The following PARD3 variants were observed in gnomAD, a reference collection of about 807,000 sequenced individuals.
The protein encoded by PARD3 is par-3 family cell polarity regulator.
Under a neutral mutation model 155.4 loss-of-function variants are expected in PARD3, and 75 were observed. That is an observed-to-expected ratio of 0.48 (90% CI 0.40 to 0.58). PARD3 has a LOEUF of 0.58. Ranked by LOEUF, PARD3 falls within the 20% of genes least tolerant of loss-of-function variation. The pLI, the probability that PARD3 is intolerant of heterozygous loss-of-function variation, is 0.00. For missense variants in PARD3, 1,642 were observed against 1,721.7 expected, an observed-to-expected ratio of 0.95 and a Z score of 0.82; for synonymous variants, 576 against 610.5, an observed-to-expected ratio of 0.94 and a Z score of 0.83.
chr10:34,336,384 T>C, intron 17 of PARD3, 141 bp from the exon 18 acceptor site: 1 of 597,772 alleles, frequency 1.7e-6, no homozygotes, highest in Non-Finnish European at 2.9e-6. Flanking sequence ...CAAGCAAACA[T>C]TCATAATCAA....
Position 34,579,572 on chromosome 10 carries a change from G to GTGTGTGTGTGTA in PARD3, c.223-62414_223-62413insTACACACACACA, listed in dbSNP as rs1554775628. 7.4e-3 allele frequency among the ~76,000 whole-genome samples: 1,105 copies of GTGTGTGTGTGTA among 149,556 alleles called. 10 individuals are homozygous for GTGTGTGTGTGTA. Among genetic ancestry groups the GTGTGTGTGTGTA allele is most frequent in the South Asian group, 0.019 (91 of 4,676 alleles). On this transcript the variant is annotated intron_variant, in intron 2 of 24. Transcript: ENST00000374788. ...ATTTTCTCTGTGTGTGTGTGTGTGT[G>GTGTGTGTGTGTA]TGTGTGTGTGTGTGTGTGTGTGTTT...
chr10:34,731,646 G>A (rs187525969), intron 1 of PARD3, among the ~76,000 whole-genome samples: 4 of 152,318 alleles, frequency 2.6e-5, no homozygotes, highest in African/African-American at 7.2e-5. Context: ...AAAAGTTGAA[G>A]TTCAAAAATC....
intron 7 of PARD3, among the ~76,000 whole-genome samples, chr10:34,384,744 T>A (rs1234342918): frequency 1.3e-5 from 2 of 152,166 alleles, no homozygotes. Flanking sequence ...TAGGAAAGAT[T>A]TCAGGAATAA....
At chr10:34,341,902 T>G in intron 15 of PARD3, 86 bp from the exon 16 acceptor site, 1 of 797,160 alleles carries the variant, frequency 1.3e-6, no homozygotes, top group South Asian at 1.9e-5. Context: ...GCTATATTAG[T>G]AAAAGTCTAA....
intron 21 of PARD3, among the ~76,000 whole-genome samples, chr10:34,278,792 A>T (rs1041989387): frequency 5.3e-5 from 8 of 152,210 alleles, no homozygotes; most frequent in Non-Finnish European, 1.0e-4. Flanking sequence ...GCAGCATGAG[A>T]ACAGACTAAT....
chr10:34,145,147 T>G (rs1208870296), intron 22 of PARD3, among the ~76,000 whole-genome samples: 1 of 146,654 alleles, frequency 6.8e-6, no homozygotes, highest in South Asian at 2.2e-4. Flanking sequence ...TGAAGAAATC[T>G]GATTATATTC....
At chr10:34,250,206 TA>T (rs1954221710) in intron 22 of PARD3, among the ~76,000 whole-genome samples, 1 of 150,378 alleles carries the variant, frequency 6.6e-6, no homozygotes, top group Non-Finnish European at 1.5e-5. Flanking sequence ...TAAGTACAGT[TA>T]AAAAAAGAAA....
In PARD3 at chr10:34,353,427, T is replaced by G. The variant is rs567232527; in HGVS notation, c.2068-5312A>C. On this transcript the variant is annotated intron_variant, in intron 14 of 24. Transcript: ENST00000374788. ...ATCTATAACCTTACCCCCAACCCCG[T>G]GCTCTCTGAAACATGTGCTGTGTCC... 5.3e-5 allele frequency among the ~76,000 whole-genome samples: 8 copies of G among 152,322 alleles called. No homozygotes were observed. In the East Asian group the frequency reaches 1.4e-3, roughly 26 times the overall value.
At chr10:34,726,457 A>G (rs1438552309) in intron 1 of PARD3, among the ~76,000 whole-genome samples, 3 of 152,144 alleles carry the variant, frequency 2.0e-5, no homozygotes, top group Non-Finnish European at 4.4e-5. Context: ...GTGGTGGCAC[A>G]CACCCATAAT....
At chr10:34,318,262 G>A (rs75765965) in intron 19 of PARD3, among the ~76,000 whole-genome samples, 60 of 152,300 alleles carry the variant, frequency 3.9e-4, no homozygotes, top group African/African-American at 1.4e-3. Flanking sequence ...AGAGAGACAC[G>A]TATGAACATC....
chr10:34,631,918 G>A (rs761410212), intron 2 of PARD3, among the ~76,000 whole-genome samples: 4 of 152,144 alleles, frequency 2.6e-5, no homozygotes, highest in Non-Finnish European at 5.9e-5. Flanking sequence ...CTTAATAGGT[G>A]GATGTTTTGG....
intron 2 of PARD3, among the ~76,000 whole-genome samples, chr10:34,551,105 C>T (rs2084518841): frequency 6.6e-6 from 1 of 152,166 alleles, no homozygotes; most frequent in Non-Finnish European, 1.5e-5. Flanking sequence ...CCGAAATGAT[C>T]AATGAAACCT....
chr10:34,489,097 G>C (rs1174956672), intron 3 of PARD3, among the ~76,000 whole-genome samples: 2 of 152,176 alleles, frequency 1.3e-5, no homozygotes, highest in African/African-American at 4.8e-5. Flanking sequence ...CAGAACTTTG[G>C]GAGGCTGAAG....
intron 5 of PARD3, among the ~76,000 whole-genome samples, chr10:34,447,706 G>A (rs2076823114): frequency 6.6e-6 from 1 of 151,230 alleles, no homozygotes; most frequent in South Asian, 2.1e-4. Flanking sequence ...CCAGGAGGCT[G>A]AGGCAGGGGA....
intron 14 of PARD3, among the ~76,000 whole-genome samples, chr10:34,348,441 A>C (rs1338547579): frequency 6.6e-6 from 1 of 152,236 alleles, no homozygotes; most frequent in Non-Finnish European, 1.5e-5. Flanking sequence ...AGTCAATTTA[A>C]GTTACAGTGT....
intron 2 of PARD3, among the ~76,000 whole-genome samples, chr10:34,693,884 A>T (rs2094115204): frequency 6.6e-6 from 1 of 152,210 alleles, no homozygotes; most frequent in South Asian, 2.1e-4. Context: ...ATGGACACAG[A>T]AATATATATA....
intron 5 of PARD3, among the ~76,000 whole-genome samples, chr10:34,446,568 T>C (rs1392331753): frequency 3.9e-5 from 6 of 152,230 alleles, no homozygotes; most frequent in Non-Finnish European, 5.9e-5. Flanking sequence ...TGAGAAACTA[T>C]CTAAATCTTA....
chr10:34,776,835 T>TC (rs1417787566), intron 1 of PARD3, among the ~76,000 whole-genome samples: 1 of 64,608 alleles, frequency 1.5e-5, no homozygotes, highest in Non-Finnish European at 2.8e-5. Flanking sequence ...TGTTTTTTTG[T>TC]GGGGGGGGGG....
chr10:34,472,094 C>A (rs1454699364), intron 3 of PARD3, among the ~76,000 whole-genome samples: 1 of 152,102 alleles, frequency 6.6e-6, no homozygotes, highest in African/African-American at 2.4e-5. Context: ...ATAGTAATAA[C>A]AAATTTAACA....
Sources: gnomAD v4.1 joint callset for allele counts (sites outside exome capture counted in the v4.1 genomes callset) on GRCh38, gnomAD v4.1.1 for gene constraint, MANE v1.5 for transcripts, NCBI Gene and HGNC (gene_info 2026-07-23, HGNC 2026-07-21) for gene names.